Variants in SORCS3 observed in about 807,000 individuals in gnomAD.
SORCS3 encodes sortilin related VPS10 domain containing receptor 3.
Under a neutral mutation model 146.3 loss-of-function variants are expected in SORCS3, and 57 were observed. The observed-to-expected ratio is 0.39, with a 90% CI of 0.31 to 0.49. The LOEUF (loss-of-function observed/expected upper bound fraction) is 0.49. SORCS3 is among the 20% of genes least tolerant of loss of function. The probability of loss-of-function intolerance (pLI) is 0.92; values close to 1 mark genes in which losing one functional copy is unlikely to be tolerated. For synonymous variants in SORCS3, 653 were observed against 618.5 expected (o/e 1.06, Z -0.83); for missense variants, 1,341 against 1,575.5 (o/e 0.85, Z 2.52).
chr10:104,741,051 T>G (rs1281206283), intron 1 of SORCS3, among the ~76,000 whole-genome samples: 3 of 151,896 alleles, frequency 2.0e-5, no homozygotes, highest in African/African-American at 7.3e-5. Flanking sequence ...AACCTTGAAC[T>G]CTTGGGCTCA....
intron 14 of SORCS3, among the ~76,000 whole-genome samples, chr10:105,191,043 C>T (rs979708726): frequency 2.0e-5 from 3 of 152,164 alleles, no homozygotes; most frequent in Non-Finnish European, 4.4e-5. Context: ...TCTGGGCCAT[C>T]TAATATGAAC....
chr10:104,645,870 A>T (rs2015489768), intron 1 of SORCS3, among the ~76,000 whole-genome samples: 1 of 152,284 alleles, frequency 6.6e-6, no homozygotes, highest in Non-Finnish European at 1.5e-5. Context: ...TGGCTCCCAA[A>T]CAGATTTTTC....
intron 1 of SORCS3, among the ~76,000 whole-genome samples, chr10:104,829,371 G>C (rs2017976256): frequency 1.3e-5 from 2 of 152,120 alleles, no homozygotes. Flanking sequence ...GTTGATATTT[G>C]AGCTGAATCT....
intron 12 of SORCS3, 81 bp from the exon 13 acceptor site, chr10:105,167,177 A>G (rs531392846): frequency 2.7e-6 from 3 of 1,100,294 alleles, no homozygotes; most frequent in African/African-American, 3.1e-5. Flanking sequence ...GAAACAATAT[A>G]TGTGAAAGAC....
chr10:104,939,036 C>A (rs2019286588), intron 3 of SORCS3, among the ~76,000 whole-genome samples: 1 of 152,216 alleles, frequency 6.6e-6, no homozygotes, highest in Non-Finnish European at 1.5e-5. Context: ...CTGGACCCAC[C>A]TTCTGTGTTC....
intron 2 of SORCS3, among the ~76,000 whole-genome samples, chr10:104,874,373 C>T (rs1256203503): frequency 2.6e-5 from 4 of 152,128 alleles, no homozygotes; most frequent in Admixed American, 2.0e-4. Context: ...TTCCAGTTGA[C>T]ATTACGAATA....
chr10:104,954,343 C>T (rs1441218692), intron 3 of SORCS3, among the ~76,000 whole-genome samples: 1 of 152,156 alleles, frequency 6.6e-6, no homozygotes, highest in African/African-American at 2.4e-5. Context: ...GTGAAAGCCA[C>T]CTTTAGCACT....
intron 2 of SORCS3, among the ~76,000 whole-genome samples, chr10:104,852,714 C>T (rs550597636): frequency 2.6e-5 from 4 of 152,338 alleles, no homozygotes; most frequent in Admixed American, 2.6e-4. Context: ...TTCCTTCTGG[C>T]TCAGAGTGAT....
At chr10:104,813,452 A>G (rs2017761564) in intron 1 of SORCS3, among the ~76,000 whole-genome samples, 2 of 152,182 alleles carry the variant, frequency 1.3e-5, no homozygotes, top group African/African-American at 2.4e-5. Context: ...GTACTAATAT[A>G]CTAATCTACA....
At chr10:104,676,312 C>G (rs1589454218) in intron 1 of SORCS3, among the ~76,000 whole-genome samples, 2 of 152,296 alleles carry the variant, frequency 1.3e-5, no homozygotes. Flanking sequence ...CAATATTTCC[C>G]TATGAATCAT....
At chr10:105,095,213 G>A (rs1428484492) in intron 6 of SORCS3, among the ~76,000 whole-genome samples, 2 of 152,098 alleles carry the variant, frequency 1.3e-5, no homozygotes, top group East Asian at 1.9e-4. Context: ...GGAGCACAAG[G>A]CAGCTTTTGC....
rs116945805 is a variant in SORCS3, at chr10:104,972,150, C to A, written c.796-5185C>A. ...GGCCAGGAGTTCGAGACCAGCCTGG[C>A]CAACGTGGCAAAACCCCATCTCTAC... On this transcript the variant is annotated intron_variant, in intron 3 of 26. Transcript: ENST00000369701. Among the ~76,000 whole-genome samples the A allele has an allele frequency of 4.2e-3, 636 of 152,112 alleles. 40 individuals are homozygous for A. The East Asian group carries it at 0.11, about 26-fold the overall frequency.
chr10:105,029,912 A>C (rs1444223527), intron 4 of SORCS3, among the ~76,000 whole-genome samples: 1 of 152,182 alleles, frequency 6.6e-6, no homozygotes, highest in Non-Finnish European at 1.5e-5. Context: ...AAACGCAGAC[A>C]TCTGGGTTCT....
intron 4 of SORCS3, among the ~76,000 whole-genome samples, chr10:105,008,765 G>C (rs1232811122): frequency 6.6e-6 from 1 of 152,186 alleles, no homozygotes; most frequent in African/African-American, 2.4e-5. Flanking sequence ...TCCTGCCTCA[G>C]CCTCCTGAGT....
At chr10:105,000,843 G>A (rs181136593) in intron 4 of SORCS3, among the ~76,000 whole-genome samples, 2 of 152,210 alleles carry the variant, frequency 1.3e-5, no homozygotes, top group Admixed American at 1.3e-4. Context: ...ATAAAGATAA[G>A]TGTCTTTTCC....
intron 17 of SORCS3, among the ~76,000 whole-genome samples, chr10:105,214,147 C>T (rs2056650967): frequency 6.6e-6 from 1 of 152,134 alleles, no homozygotes; most frequent in African/African-American, 2.4e-5. Flanking sequence ...GTGAGTCAGA[C>T]ATTGATTTTC....
chr10:105,023,551 T>G (rs549753769), intron 4 of SORCS3, among the ~76,000 whole-genome samples: 3 of 152,156 alleles, frequency 2.0e-5, no homozygotes, highest in Admixed American at 2.0e-4. Flanking sequence ...GTTTTTTTTG[T>G]TTTTTGCTTG....
intron 16 of SORCS3, among the ~76,000 whole-genome samples, chr10:105,208,273 G>A (rs1310264340): frequency 4.0e-5 from 6 of 151,776 alleles, no homozygotes; most frequent in Admixed American, 3.9e-4. Context: ...CCTGGGAGGC[G>A]GAGGTTTCAG....
intron 1 of SORCS3, among the ~76,000 whole-genome samples, chr10:104,744,685 T>G (rs1299213830): frequency 6.6e-6 from 1 of 152,194 alleles, no homozygotes; most frequent in African/African-American, 2.4e-5. Context: ...ACACTGATGC[T>G]AGGTTTGCAG....
Sources: gnomAD v4.1 joint callset for allele counts (sites outside exome capture counted in the v4.1 genomes callset) on GRCh38, gnomAD v4.1.1 for gene constraint, MANE v1.5 for transcripts, NCBI Gene and HGNC (gene_info 2026-07-23, HGNC 2026-07-21) for gene names.